The following RGMB variants were observed in gnomAD, a reference collection of about 807,000 sequenced individuals.
RGMB encodes repulsive guidance molecule B.
RGMB carries 16 observed loss-of-function variants against 26.9 expected under a neutral mutation model. The ratio of observed to expected loss-of-function variants is 0.60; its 90% CI spans 0.40 to 0.90. RGMB has a LOEUF of 0.90. Among genes scored for constraint, RGMB ranks in the 40% least tolerant of loss-of-function variants. The pLI, the probability that RGMB is intolerant of heterozygous loss-of-function variation, is 0.00. For missense variants in RGMB, 512 were observed against 573.3 expected, an observed-to-expected ratio of 0.89 and a Z score of 1.09; for synonymous variants, 225 against 229.3, an observed-to-expected ratio of 0.98 and a Z score of 0.17.
At chr5:98,769,356 G>A (rs1453452907), upstream of RGMB, 2 of 152,656 alleles carry the variant, frequency 1.3e-5, no homozygotes, top group Admixed American at 6.5e-5. Flanking sequence ...GGGGGCTGAG[G>A]GATTTGGCTC....
At chr5:98,771,675 TC>T (rs1746168502), upstream of RGMB, 1 of 152,194 alleles carries the variant, frequency 6.6e-6, no homozygotes, top group East Asian at 1.9e-4. Flanking sequence ...ATGAAGTTTT[TC>T]CTCTGAAGAA....
upstream of RGMB, among the ~76,000 whole-genome samples, chr5:98,771,481 C>T (rs1561433357): frequency 6.6e-6 from 1 of 152,240 alleles, no homozygotes; most frequent in Middle Eastern, 3.4e-3. Flanking sequence ...TACGAATTTA[C>T]CCGCGAGTGT....
intron 1 of RGMB, among the ~76,000 whole-genome samples, chr5:98,775,840 A>T (rs1322299582): frequency 6.6e-6 from 1 of 152,368 alleles, no homozygotes; most frequent in African/African-American, 2.4e-5. Flanking sequence ...TCTATGGACA[A>T]CTTGTTGGAG....
At chr5:98,771,538 T>G (rs1435242136), upstream of RGMB, 1 of 152,242 alleles carries the variant, frequency 6.6e-6, no homozygotes, top group East Asian at 1.9e-4. Flanking sequence ...TGCGGTTTAC[T>G]TGTGAAAATT....
At chr5:98,792,337 G>A (rs1008349317) in intron 2 of RGMB, among the ~76,000 whole-genome samples, 2 of 152,164 alleles carry the variant, frequency 1.3e-5, no homozygotes, top group African/African-American at 4.8e-5. Flanking sequence ...GCCCTTTAAA[G>A]TTTCTGCATA....
chr5:98,793,790 A>G lies in RGMB; in HGVS notation c.*37A>G, dbSNP rs370247358. Reference sequence around the variant, plus strand: ...TGTTTTGGTTTTTTATTTTTTGTCTATAACAAAATTTTAAAATATATATTG... The same window carrying G: ...TGTTTTGGTTTTTTATTTTTTGTCTGTAACAAAATTTTAAAATATATATTG... On this transcript the variant is annotated 3_prime_UTR_variant, in exon 3 of 3. Coordinates refer to ENST00000513185, the MANE Select transcript of RGMB (RefSeq NM_001366508.1). 4.9e-6 allele frequency: 7 copies of G among 1,439,066 alleles called. No individual in the cohort carries two copies. In the African/African-American group the frequency reaches 5.8e-5, roughly 12 times the overall value. 89.1% of individuals were successfully genotyped at this position (1,439,066 alleles called of 1,614,324 possible).
Position 98,793,105 on chromosome 5 carries a change from C to T in RGMB, c.666C>T (p.Ala222=). 1 of 1,606,634 alleles carries T rather than the reference C, an allele frequency of 6.2e-7. No individual in the cohort carries two copies. The highest frequency in any genetic ancestry group is 1.7e-5 in the Admixed American group (1 of 59,596). Residue 222 remains alanine, a synonymous_variant, in exon 3 of 3, where the codon GCC becomes GCT. Transcript: ENST00000513185. ...ATNKITIIFK[A]HHECTDQKVY... ...CACAGATCACTATTATCTTCAAAGC[C>T]CACCATGAGTGTACAGATCAGAAAG...
Position 98,779,500 on chromosome 5 carries a change from A to G in RGMB, c.137-80A>G, listed in dbSNP as rs903159078. On this transcript the variant is annotated intron_variant, in intron 1 of 2. Coordinates refer to ENST00000513185, the MANE Select transcript of RGMB (RefSeq NM_001366508.1). ...TATAAAATAGAACAAACAATTCCCA[A>G]AGAACAATGTGATTTTCTCATGTAG... The G allele has an allele frequency of 3.7e-6, 5 of 1,367,606 alleles. No homozygotes were observed. The East Asian group carries it at 7.1e-5, about 19-fold the overall frequency. The allele number at this position is 1,367,606 out of a possible 1,614,324, so 84.7% of individuals were successfully genotyped here.
intron 2 of RGMB, among the ~76,000 whole-genome samples, chr5:98,786,038 C>T (rs1746758016): frequency 6.6e-6 from 1 of 152,152 alleles, no homozygotes; most frequent in South Asian, 2.1e-4. Flanking sequence ...TGTAATGAAC[C>T]TATGTCTGAA....
At chr5:98,770,597 G>A, upstream of RGMB, 1 of 1,322,834 alleles carries the variant, frequency 7.6e-7, no homozygotes, top group Non-Finnish European at 9.7e-7. Flanking sequence ...CTCACACCCA[G>A]GTCCTGCGTG....
upstream of RGMB, chr5:98,769,614 G>A (rs1746086288): frequency 6.6e-6 from 1 of 152,630 alleles, no homozygotes; most frequent in Non-Finnish European, 1.5e-5. Context: ...TGCAGACAAG[G>A]GAATGCCTGT....
chr5:98,795,272 G>C lies in RGMB; in HGVS notation c.*1519G>C, dbSNP rs972248565. ...TTCTGCTTTAATAATTTGTTGATAA[G>C]TTTACATAAACAGAAATAAAAGATA... On this transcript the variant is annotated 3_prime_UTR_variant, in exon 3 of 3. Coordinates refer to ENST00000513185, the MANE Select transcript of RGMB (RefSeq NM_001366508.1). 3 of 152,110 alleles carry C rather than the reference G, an allele frequency of 2.0e-5. No homozygotes were observed. Among genetic ancestry groups the C allele is most frequent in the Non-Finnish European group, 4.4e-5 (3 of 68,008 alleles). The allele number at this position is 152,110 out of a possible 1,614,324, so 9.4% of individuals were successfully genotyped here.
At chr5:98,785,195 T>G (rs1746735686) in intron 2 of RGMB, among the ~76,000 whole-genome samples, 1 of 152,152 alleles carries the variant, frequency 6.6e-6, no homozygotes, top group African/African-American at 2.4e-5. Flanking sequence ...AAATGTATGG[T>G]TAATTTGGTG....
In RGMB at chr5:98,785,562, C is replaced by T. The variant is rs559104730; in HGVS notation, c.645+5474C>T. Among the ~76,000 whole-genome samples, 5 of 152,286 alleles carry T rather than the reference C, an allele frequency of 3.3e-5. No homozygotes were observed. In the East Asian group the frequency reaches 9.6e-4, roughly 29 times the overall value. ...AGAATGCTCACCTGCATCTGTATTT[C>T]CTCATCTGCATACAACCTAGCAGGG... On this transcript the variant is annotated intron_variant, in intron 2 of 2. Transcript: ENST00000513185.
intron 2 of RGMB, chr5:98,792,782 A>T (rs1441303170): frequency 5.0e-6 from 1 of 199,172 alleles, no homozygotes; most frequent in Non-Finnish European, 1.0e-5. Context: ...AAAAAAAAAA[A>T]AAAAAAAAAA....
intron 2 of RGMB, among the ~76,000 whole-genome samples, chr5:98,790,185 T>C (rs1398476147): frequency 6.6e-6 from 1 of 152,234 alleles, no homozygotes; most frequent in Non-Finnish European, 1.5e-5. Flanking sequence ...TAAATTTACA[T>C]TGATTATATC....
chr5:98,774,067 G>A lies in RGMB; in HGVS notation c.-4G>A. 1.1e-6 allele frequency: 1 copy of A among 946,200 alleles called. No individual in the cohort carries two copies. Among genetic ancestry groups the A allele is most frequent in the East Asian group, 3.1e-5 (1 of 31,824 alleles). 58.6% of individuals were successfully genotyped at this position (946,200 alleles called of 1,614,324 possible). On this transcript the variant is annotated 5_prime_UTR_variant, in exon 1 of 3. Coordinates refer to ENST00000513185, the MANE Select transcript of RGMB (RefSeq NM_001366508.1). ...CGGAGCCCACGAGACCTGCATGGAC[G>A]GGCATGGGCTTGAGAGCAGCACCTT...
At position 98,793,452 on chromosome 5, in the gene RGMB, C is replaced by T. The variant is rs1300517550; in HGVS notation, c.1013C>T (p.Pro338Leu). The change falls in exon 3 of 3, where the codon CCT (proline) becomes CTT (leucine). Residue 338 changes from proline to leucine, a missense_variant. By Grantham distance (98) the Pro-to-Leu change is moderately conservative (BLOSUM62 -3). Coordinates refer to ENST00000513185, the MANE Select transcript of RGMB (RefSeq NM_001366508.1). ...QVSAILGHSL[P>L]RTSLVQAWPG... ...TCTGCCATCCTGGGACACAGCCTGC[C>T]TCGCACCTCCTTGGTGCAGGCCTGG... is the stretch of plus-strand genomic sequence containing the variant. 1.9e-6 allele frequency: 3 copies of T among 1,612,596 alleles called. No individual in the cohort carries two copies. The highest frequency in any genetic ancestry group is 2.7e-5 in the African/African-American group (2 of 75,030).
At chr5:98,778,556 T>A (rs896463584) in intron 1 of RGMB, among the ~76,000 whole-genome samples, 4 of 152,194 alleles carry the variant, frequency 2.6e-5, no homozygotes, top group Admixed American at 2.6e-4. Flanking sequence ...TATATAAAAT[T>A]TGCAGTTGAT....
Sources: gnomAD v4.1 joint callset for allele counts (sites outside exome capture counted in the v4.1 genomes callset) on GRCh38, gnomAD v4.1.1 for gene constraint, MANE v1.5 for transcripts, NCBI Gene and HGNC (gene_info 2026-07-23, HGNC 2026-07-21) for gene names.